The following KRABD3 variants were observed in gnomAD, a reference collection of about 807,000 sequenced individuals.
KRABD3 encodes the protein KRAB domain containing 3.
At chr7:149,720,753 T>C in the KRABD3 span, 1 of 1,341,594 alleles carries the variant, frequency 7.5e-7, no homozygotes, top group Non-Finnish European at 1.0e-6. Flanking sequence ...TTACGTGAGA[T>C]GCTGGGTGTG....
chr7:149,721,473 C>A, the KRABD3 span: 1 of 1,613,122 alleles, frequency 6.2e-7, no homozygotes, highest in Non-Finnish European at 8.5e-7. Context: ...ACCACGCCCA[C>A]CGACAGCTCG....
the KRABD3 span, chr7:149,719,635 C>T: frequency 2.2e-5 from 35 of 1,608,568 alleles, no homozygotes; most frequent in East Asian, 6.7e-5. The surrounding 1 kb of genome is among the most constrained non-coding windows in gnomAD (Gnocchi z 5.6). Flanking sequence ...TCTACCGAGA[C>T]GTGATGCGGG....
the KRABD3 span, chr7:149,725,997 A>T: frequency 6.2e-7 from 1 of 1,612,566 alleles, no homozygotes; most frequent in African/African-American, 1.3e-5. Flanking sequence ...CTCATCCAGC[A>T]GCACCGACTG....
the KRABD3 span, among the ~76,000 whole-genome samples, chr7:149,728,249 G>A: frequency 6.6e-6 from 1 of 152,230 alleles, no homozygotes; most frequent in East Asian, 1.9e-4. Flanking sequence ...GGTGGCAGCT[G>A]GGTGTGCTGA....
the KRABD3 span, chr7:149,722,973 C>G: frequency 6.5e-7 from 1 of 1,548,350 alleles, no homozygotes; most frequent in South Asian, 1.2e-5. Flanking sequence ...TCTGGGGCCT[C>G]AGGCTGAGGT....
At chr7:149,722,296 C>G in the KRABD3 span, 1 of 1,351,412 alleles carries the variant, frequency 7.4e-7, no homozygotes, top group Non-Finnish European at 1.0e-6. Context: ...TAAAGGCCCT[C>G]AGCCCACCTC....
At chr7:149,733,239 C>T in the KRABD3 span, 16 of 1,610,228 alleles carry the variant, frequency 9.9e-6, no homozygotes, top group East Asian at 1.3e-4. Context: ...CCCCAGGGCC[C>T]GCCTGAGCTG....
chr7:149,722,080 C>G, the KRABD3 span: 1 of 410,324 alleles, frequency 2.4e-6, no homozygotes, highest in Non-Finnish European at 4.5e-6. Flanking sequence ...GTTCAGGGGT[C>G]GTCGGGCACA....
the KRABD3 span, chr7:149,728,578 ACCTGTG>A: frequency 1.7e-5 from 27 of 1,613,614 alleles, 1 homozygote; most frequent in South Asian, 2.7e-4. Flanking sequence ...TCAAGGAGAT[ACCTGTG>A]CCTGTGCTGC....
the KRABD3 span, among the ~76,000 whole-genome samples, chr7:149,719,163 T>A: frequency 6.6e-6 from 1 of 152,244 alleles, no homozygotes; most frequent in Non-Finnish European, 1.5e-5. This position sits in a 1 kb window ranked among gnomAD's most constrained non-coding sequence, Gnocchi z 5.6. Flanking sequence ...TGTGGCTGCA[T>A]GACTGTAGTC....
chr7:149,733,413 C>A, the KRABD3 span: 2 of 1,602,244 alleles, frequency 1.2e-6, no homozygotes, highest in Non-Finnish European at 1.7e-6. Context: ...CTCGCCACAG[C>A]GCTGGCAGGC....
At chr7:149,715,203 C>A in the KRABD3 span, 1 of 1,219,312 alleles carries the variant, frequency 8.2e-7, no homozygotes, top group Admixed American at 4.3e-5. Context: ...GGGGTTCGTG[C>A]CGGGAAGTTC....
At chr7:149,732,717 G>A in the KRABD3 span, among the ~76,000 whole-genome samples, 3 of 152,166 alleles carry the variant, frequency 2.0e-5, no homozygotes, top group Non-Finnish European at 2.9e-5. The surrounding 1 kb of genome is among the most constrained non-coding windows in gnomAD (Gnocchi z 4.0). Context: ...TGCCTGTAAC[G>A]AAGAGCACTG....
the KRABD3 span, among the ~76,000 whole-genome samples, chr7:149,723,296 G>C: frequency 2.6e-5 from 4 of 152,220 alleles, no homozygotes; most frequent in African/African-American, 9.6e-5. Flanking sequence ...CATGGTGGAG[G>C]GGCCGGGGCA....
chr7:149,733,198 G>A, the KRABD3 span: 24 of 1,590,578 alleles, frequency 1.5e-5, no homozygotes, highest in Non-Finnish European at 4.3e-6. Flanking sequence ...TCCTTGCTCT[G>A]GTTTTAGCCA....
the KRABD3 span, chr7:149,734,003 C>A: frequency 6.2e-7 from 1 of 1,611,264 alleles, no homozygotes; most frequent in African/African-American, 1.3e-5. Context: ...CCAGGAAGAA[C>A]TGTGGGGTGG....
chr7:149,733,624 C>G, the KRABD3 span: 258 of 1,592,810 alleles, frequency 1.6e-4, no homozygotes, highest in Non-Finnish European at 2.1e-4. Context: ...TCCTGCGTGG[C>G]CAGGGAGAGA....
chr7:149,720,107 C>T, the KRABD3 span: 1 of 1,552,432 alleles, frequency 6.4e-7, no homozygotes, highest in South Asian at 1.2e-5. Context: ...CAGGAGCCTG[C>T]TGGTTGTGGA....
At chr7:149,732,496 C>G in the KRABD3 span, among the ~76,000 whole-genome samples, 1 of 152,334 alleles carries the variant, frequency 6.6e-6, no homozygotes. This position sits in a 1 kb window ranked among gnomAD's most constrained non-coding sequence, Gnocchi z 4.0. Flanking sequence ...CATCTCTGCG[C>G]CCGGCCTGGG....
Sources: gnomAD v4.1 joint callset for allele counts (sites outside exome capture counted in the v4.1 genomes callset) on GRCh38, gnomAD v4.1.1 for gene constraint, Gnocchi (gnomAD v3.1) non-coding constraint, MANE v1.5 for transcripts, NCBI Gene and HGNC (gene_info 2026-07-23, HGNC 2026-07-21) for gene names.